The following NALCN variants were observed in gnomAD, a reference collection of about 807,000 sequenced individuals.
The protein encoded by NALCN is sodium leak channel NALCN.
A neutral mutation model predicts 225.3 loss-of-function variants in NALCN; 111 were observed. The ratio of observed to expected loss-of-function variants is 0.49; its 90% CI spans 0.42 to 0.58. The LOEUF is 0.58. Among genes scored for constraint, NALCN ranks in the 20% least tolerant of loss-of-function variants. The pLI, the probability that NALCN is intolerant of heterozygous loss-of-function variation, is 0.00. For synonymous variants in NALCN, 764 were observed against 769.0 expected (o/e 0.99, Z 0.11); for missense variants, 1,378 against 2,202.4 (o/e 0.63, Z 7.49).
chr13:101,070,943 A>G (rs904040130), intron 37 of NALCN, among the ~76,000 whole-genome samples: 4 of 152,158 alleles, frequency 2.6e-5, no homozygotes, highest in African/African-American at 9.7e-5. Context: ...GGAAGCAAAT[A>G]TGTTCTTCTT....
chr13:101,275,479 G>A (rs2042939617), intron 10 of NALCN, among the ~76,000 whole-genome samples: 2 of 152,118 alleles, frequency 1.3e-5, no homozygotes, highest in Non-Finnish European at 2.9e-5. Flanking sequence ...TCAAACCCAG[G>A]AAAACTGCAT....
intron 15 of NALCN, among the ~76,000 whole-genome samples, chr13:101,165,170 G>A (rs980861460): frequency 6.6e-6 from 1 of 152,164 alleles, no homozygotes; most frequent in African/African-American, 2.4e-5. Context: ...AGGTTGGGTA[G>A]CACTGTAGCA....
chr13:101,108,068 CAATA>C (rs2035236308), intron 20 of NALCN, among the ~76,000 whole-genome samples: 1 of 144,310 alleles, frequency 6.9e-6, no homozygotes, highest in African/African-American at 2.5e-5. Context: ...TATATATTTA[CAATA>C]AATATATATC....
chr13:101,206,407 G>C (rs1318230600), intron 13 of NALCN, among the ~76,000 whole-genome samples: 1 of 151,820 alleles, frequency 6.6e-6, no homozygotes, highest in Non-Finnish European at 1.5e-5. Flanking sequence ...CTTGATAGCT[G>C]TTTATGAATA....
intron 13 of NALCN, among the ~76,000 whole-genome samples, chr13:101,227,957 T>C (rs934636163): frequency 2.6e-5 from 4 of 152,206 alleles, no homozygotes; most frequent in Non-Finnish European, 5.9e-5. Context: ...AGTCACCTGT[T>C]CCCATAAGCC....
intron 28 of NALCN, among the ~76,000 whole-genome samples, chr13:101,090,424 T>C (rs2034170873): frequency 1.3e-5 from 2 of 152,220 alleles, no homozygotes; most frequent in Non-Finnish European, 2.9e-5. Flanking sequence ...TAAATTACAA[T>C]TGCCTGTGTT....
intron 17 of NALCN, among the ~76,000 whole-genome samples, chr13:101,131,789 T>A (rs936550336): frequency 5.9e-5 from 9 of 152,256 alleles, no homozygotes; most frequent in Admixed American, 2.6e-4. Context: ...AACTATGGAT[T>A]TGGGGTTTTG....
intron 11 of NALCN, among the ~76,000 whole-genome samples, chr13:101,253,599 G>A (rs367926111): frequency 1.6e-4 from 24 of 151,992 alleles, no homozygotes; most frequent in Admixed American, 1.4e-3. Context: ...TAGCTTTATT[G>A]TTGTCAGTAT....
At chr13:101,177,544 C>T (rs1260210261) in intron 14 of NALCN, among the ~76,000 whole-genome samples, 1 of 151,172 alleles carries the variant, frequency 6.6e-6, no homozygotes. Flanking sequence ...ACAATTTTTC[C>T]TCTTTTAAAA....
At chr13:101,073,867 C>T (rs2033073965) in intron 36 of NALCN, among the ~76,000 whole-genome samples, 190 bp from the exon 37 acceptor site, 1 of 151,868 alleles carries the variant, frequency 6.6e-6, no homozygotes, top group Non-Finnish European at 1.5e-5. Context: ...GTCTGAACAC[C>T]CAACTCTAGC....
At position 101,252,634 on chromosome 13, in the gene NALCN, A is replaced by G. The variant is rs192440798; in HGVS notation, c.1266+5809T>C. Among the ~76,000 whole-genome samples, 6 of 152,270 alleles carry G rather than the reference A, an allele frequency of 3.9e-5. No individual in the cohort carries two copies. The East Asian group carries it at 9.7e-4, about 25-fold the overall frequency. On this transcript the variant is annotated intron_variant, in intron 11 of 43. Transcript: ENST00000251127. The stretch of plus-strand genomic sequence containing the variant: ...AGTTCTAGTTAATTTACTGTGGGGT[A>G]TGTAGCACAGAGTCCTAGGACTTCT...
intron 7 of NALCN, among the ~76,000 whole-genome samples, chr13:101,298,542 G>A (rs559774106): frequency 8.5e-5 from 13 of 152,188 alleles, no homozygotes; most frequent in Non-Finnish European, 1.3e-4. Flanking sequence ...GGCTGGCCTC[G>A]AACTCCTGAC....
intron 7 of NALCN, among the ~76,000 whole-genome samples, chr13:101,320,399 A>G (rs1400490735): frequency 6.6e-6 from 1 of 152,178 alleles, no homozygotes; most frequent in Non-Finnish European, 1.5e-5. Context: ...CTGTTTTAGA[A>G]GGAAAATTAA....
intron 11 of NALCN, among the ~76,000 whole-genome samples, chr13:101,245,581 C>A (rs1378490255): frequency 2.6e-5 from 4 of 152,126 alleles, no homozygotes; most frequent in Admixed American, 2.6e-4. Context: ...CAACTAAGAA[C>A]ATATTTTCAC....
intron 28 of NALCN, 55 bp downstream of exon 28, chr13:101,095,519 G>C (rs1296709326): frequency 2.1e-6 from 3 of 1,401,120 alleles, no homozygotes; most frequent in African/African-American, 2.9e-5. Context: ...CTTATTTAAA[G>C]CCTTATACTG....
intron 7 of NALCN, among the ~76,000 whole-genome samples, chr13:101,334,727 T>C (rs911592565): frequency 2.0e-5 from 3 of 152,162 alleles, no homozygotes; most frequent in African/African-American, 7.2e-5. Context: ...TAAAGCATAA[T>C]CACACATGAG....
Position 101,104,941 on chromosome 13 carries a change from T to C in NALCN, c.2589A>G (p.Thr863=). 2 of 1,613,690 alleles carry C rather than the reference T, an allele frequency of 1.2e-6. No homozygotes were observed. Among genetic ancestry groups the C allele is most frequent in the Non-Finnish European group, 1.7e-6 (2 of 1,179,734 alleles). ...VVRARFNASK[T]DPVTGAVKNT... ...TTTTCACAGCTCCTGTGACAGGGTC[T>C]GTTTTAGATCTGTAAGAGAACACAT... is the stretch of plus-strand genomic sequence containing the variant. Residue 863 remains threonine, a synonymous_variant, in exon 23 of 44, where the codon ACA becomes ACG. Transcript: ENST00000251127. The surrounding 1 kb of genome is among the most constrained non-coding windows in gnomAD (Gnocchi z 4.2).
chr13:101,413,908 C>T (rs911883174), intron 1 of NALCN, among the ~76,000 whole-genome samples: 3 of 152,128 alleles, frequency 2.0e-5, no homozygotes, highest in African/African-American at 7.2e-5. Context: ...AACAGAGTCT[C>T]ACTCTGTGCC....
chr13:101,232,948 C>T (rs2041409869), intron 12 of NALCN, among the ~76,000 whole-genome samples: 1 of 152,106 alleles, frequency 6.6e-6, no homozygotes, highest in Non-Finnish European at 1.5e-5. Context: ...CAGTACCTAA[C>T]TGTAAACAGC....
Sources: allele counts gnomAD v4.1 joint callset (sites outside exome capture counted in the v4.1 genomes callset), GRCh38; gene constraint gnomAD v4.1.1; non-coding constraint Gnocchi (gnomAD v3.1); transcripts MANE v1.5; gene names NCBI Gene and HGNC (gene_info 2026-07-23, HGNC 2026-07-21).